Variants in ALS2 observed in about 807,000 individuals in gnomAD.
The protein encoded by ALS2 is alsin Rho guanine nucleotide exchange factor ALS2.
Under a neutral mutation model 203.4 loss-of-function variants are expected in ALS2, and 117 were observed. The observed-to-expected ratio is 0.58, with a 90% confidence interval of 0.50 to 0.67. ALS2 has a LOEUF of 0.67. ALS2 is among the 30% of genes least tolerant of loss of function. ALS2 has a pLI of 0.00. For synonymous variants in ALS2, 718 were observed against 725.9 expected, an observed-to-expected ratio of 0.99 and a Z score of 0.17; for missense variants, 1,715 against 1,989.4, an observed-to-expected ratio of 0.86 and a Z score of 2.62.
chr2:201,722,116 T>C (rs1436771999), intron 23 of ALS2: 1 of 152,196 alleles, frequency 6.6e-6, no homozygotes, highest in East Asian at 1.9e-4. Context: ...ATAAAGGACA[T>C]GTATCCAGAA....
Position 201,723,042 on chromosome 2 carries a change from C to T in ALS2, c.3702+1G>A. The T allele has an allele frequency of 1.2e-6, 2 of 1,603,354 alleles. No individual in the cohort carries two copies. Among genetic ancestry groups the T allele is most frequent in the Non-Finnish European group, 8.5e-7 (1 of 1,173,658 alleles). The stretch of plus-strand genomic sequence containing the variant: ...AAAAAAAAAGAAAGCTAGTTTCCAA[C>T]CTTTCCACTAAGAGTCCAGTCATCT... On this transcript the variant is annotated splice_donor_variant, in intron 23 of 33. Transcript: ENST00000264276. LOFTEE classifies it high-confidence loss of function.
intron 15 of ALS2, among the ~76,000 whole-genome samples, 171 bp from the exon 16 acceptor site, chr2:201,727,946 A>G (rs917802602): frequency 2.6e-5 from 4 of 152,130 alleles, no homozygotes; most frequent in Admixed American, 6.5e-5. Flanking sequence ...CATTGTCCCC[A>G]TAACACAGCT....
intron 11 of ALS2, among the ~76,000 whole-genome samples, chr2:201,739,743 CAAA>C (rs539359528): frequency 6.0e-5 from 4 of 66,432 alleles, no homozygotes; most frequent in Non-Finnish European, 1.2e-4. Context: ...AACTCCAGCT[CAAA>C]AAAAAAAAAA....
In ALS2 at chr2:201,727,200, T is replaced by C. The variant is rs1381848707; in HGVS notation, c.2979+12A>G. The C allele has an allele frequency of 2.5e-6, 4 of 1,605,514 alleles. No homozygotes were observed. In the African/African-American group the frequency reaches 5.3e-5, roughly 21 times the overall value. The stretch of plus-strand genomic sequence containing the variant: ...GGGCGAAGATTGAAGGAAAATACCA[T>C]AATAGACTAACCTTTTCCTGGGGTG... On this transcript the variant is annotated intron_variant, in intron 17 of 33. Transcript: ENST00000264276.
chr2:201,733,281 C>T lies in ALS2; in HGVS notation c.2575G>A (p.Glu859Lys). Reference protein sequence around the residue: ...KVLLKLATCFEVASPEYQKLQ... With the variant: ...KVLLKLATCFKVASPEYQKLQ... ...AGGTATACATGGGAGCTTACCACTT[C>T]AAAACAAGTAGCAAGCTTTAGCAAA... The change falls in exon 13 of 34, where the codon GAA (glutamate) becomes AAA (lysine). Residue 859 changes from glutamate (E) to lysine (K), a missense_variant. Physicochemically the swap from Glu to Lys is moderately conservative, Grantham distance 56. Transcript: ENST00000264276. The T allele has an allele frequency of 6.2e-7, 1 of 1,613,754 alleles. No homozygotes were observed. Among genetic ancestry groups the T allele is most frequent in the Non-Finnish European group, 8.5e-7 (1 of 1,179,838 alleles).
At chr2:201,771,047 T>A (rs1187679234) in intron 1 of ALS2, among the ~76,000 whole-genome samples, 1 of 148,766 alleles carries the variant, frequency 6.7e-6, no homozygotes, top group Admixed American at 6.7e-5. Context: ...TACAGATTTT[T>A]TTTTTTTTTT....
At chr2:201,708,354 C>T (rs1347671539) in intron 27 of ALS2, among the ~76,000 whole-genome samples, 1 of 152,088 alleles carries the variant, frequency 6.6e-6, no homozygotes, top group Non-Finnish European at 1.5e-5. Context: ...AAGTGTCCAA[C>T]ATTAAGGGAA....
intron 11 of ALS2, 109 bp downstream of exon 11, chr2:201,741,565 T>A: frequency 8.4e-7 from 1 of 1,185,484 alleles, no homozygotes; most frequent in African/African-American, 1.5e-5. Flanking sequence ...TTGCAATTTC[T>A]ATTACCTTAT....
In ALS2 at chr2:201,728,513, T is replaced by C. The variant is rs1353168672; in HGVS notation, c.2840A>G (p.Gln947Arg). The C allele has an allele frequency of 6.2e-7, 1 of 1,613,996 alleles. No individual in the cohort carries two copies. Among genetic ancestry groups the C allele is most frequent in the African/African-American group, 1.3e-5 (1 of 74,942 alleles). ...TTTAAGGTTAGGAATCCAGCCTACCTGGGCATGGACCAGGGCATCATTAAA... is the reference window on the plus strand; with the variant it reads ...TTTAAGGTTAGGAATCCAGCCTACCCGGGCATGGACCAGGGCATCATTAAA... ...ILFNDALVHA[Q>R]FSTHHVFPLA... Residue 947 changes from glutamine (Q) to arginine (R), a missense_variant and splice_region_variant, in exon 15 of 34, where the codon CAG becomes CGG. Physicochemically the swap from Gln to Arg is conservative, Grantham distance 43. Transcript: ENST00000264276.
chr2:201,709,634 G>A (rs1178724354), intron 27 of ALS2, among the ~76,000 whole-genome samples: 1 of 152,024 alleles, frequency 6.6e-6, no homozygotes, highest in African/African-American at 2.4e-5. Flanking sequence ...ACCAAAATTA[G>A]ATTTAAAAAC....
At chr2:201,767,783 G>A (rs1406475540) in intron 2 of ALS2, among the ~76,000 whole-genome samples, 2 of 150,440 alleles carry the variant, frequency 1.3e-5, no homozygotes, top group African/African-American at 4.9e-5. Flanking sequence ...CAGGAGAAGC[G>A]CTTGAACCCG....
intron 26 of ALS2, among the ~76,000 whole-genome samples, chr2:201,710,431 T>TC (rs1270715170): frequency 1.6e-4 from 3 of 19,242 alleles, no homozygotes; most frequent in Non-Finnish European, 5.6e-4. Context: ...AACCCCCATA[T>TC]CTAAAAAAAA....
At chr2:201,759,767 T>G (rs369883226) in intron 4 of ALS2, 2 of 985,222 alleles carry the variant, frequency 2.0e-6, no homozygotes, top group African/African-American at 1.7e-5. Flanking sequence ...ACAATAAGAA[T>G]TGAGAATCAA....
intron 2 of ALS2, among the ~76,000 whole-genome samples, chr2:201,767,793 G>A (rs1018366170): frequency 2.7e-5 from 4 of 150,886 alleles, no homozygotes; most frequent in South Asian, 2.1e-4. Context: ...GCTTGAACCC[G>A]GGAGGCGGAG....
chr2:201,753,494 G>A (rs1252981055), intron 6 of ALS2, among the ~76,000 whole-genome samples: 1 of 152,084 alleles, frequency 6.6e-6, no homozygotes, highest in African/African-American at 2.4e-5. Context: ...AACTACAAAT[G>A]ATTCTTTATA....
In ALS2 at chr2:201,741,704, T is replaced by C. The variant is rs747038450; in HGVS notation, c.2321A>G (p.His774Arg). 1.2e-6 allele frequency: 2 copies of C among 1,614,162 alleles called. No individual in the cohort carries two copies. Among genetic ancestry groups the C allele is most frequent in the East Asian group, 2.2e-5 (1 of 44,874 alleles). Reference sequence around the variant, plus strand: ...ATAACTATCCAAGAAGAGACTTGAATGCTTCAGGATGACCAAACTCCTGGC... The same window carrying C: ...ATAACTATCCAAGAAGAGACTTGAACGCTTCAGGATGACCAAACTCCTGGC... The part of the protein sequence containing the change: ...KEARSLVILK[H>R]SSLFLDSYTE... Residue 774 changes from histidine (H) to arginine (R), a missense_variant, in exon 11 of 34, where the codon CAT (histidine) becomes CGT (arginine). His to Arg is a conservative substitution (Grantham distance 29, BLOSUM62 0). Around this residue, in one of 3 missense-constraint regions of ALS2, gnomAD observed 1,227 missense variants for 1,413.5 expected, o/e 0.87. Coordinates refer to ENST00000264276, the MANE Select transcript of ALS2 (RefSeq NM_020919.4).
chr2:201,727,576 G>C lies in ALS2; in HGVS notation c.2912+129C>G. ...ACTACTTTACTGTCTAATGTGCTGAGAGGTGGGCCTCATTATACAGAATGA... is the reference window on the plus strand; with the variant it reads ...ACTACTTTACTGTCTAATGTGCTGACAGGTGGGCCTCATTATACAGAATGA... On this transcript the variant is annotated intron_variant, in intron 16 of 33. Transcript: ENST00000264276. The C allele has an allele frequency of 8.5e-6, 7 of 818,892 alleles. 1 individual carries two copies. In the South Asian group the frequency reaches 1.1e-4, roughly 13 times the overall value. The allele number at this position is 818,892 out of a possible 1,614,324, so 50.7% of individuals were successfully genotyped here.
At chr2:201,778,273 C>T (rs1331030774) in intron 1 of ALS2, among the ~76,000 whole-genome samples, 1 of 152,092 alleles carries the variant, frequency 6.6e-6, no homozygotes, top group African/African-American at 2.4e-5. Flanking sequence ...GAGATGAAAG[C>T]TGATCTTCTC....
chr2:201,723,956 A>G (rs1469978195), intron 21 of ALS2, among the ~76,000 whole-genome samples: 1 of 152,020 alleles, frequency 6.6e-6, no homozygotes, highest in Non-Finnish European at 1.5e-5. Context: ...ATCTCTACCA[A>G]AAATACAAAA....
Sources: allele counts gnomAD v4.1 joint callset (sites outside exome capture counted in the v4.1 genomes callset), GRCh38; gene constraint gnomAD v4.1.1; regional missense constraint gnomAD v4.1.1; transcripts MANE v1.5; gene names NCBI Gene and HGNC (gene_info 2026-07-23, HGNC 2026-07-21).